KCNAB1: variants seen among roughly 807,000 people sequenced by gnomAD.
KCNAB1 encodes potassium voltage-gated channel subfamily A regulatory beta subunit 1.
A neutral mutation model predicts 64.6 loss-of-function variants in KCNAB1; 35 were observed. The observed-to-expected ratio is 0.54, with a 90% CI of 0.41 to 0.72. The LOEUF is 0.72. Ranked by LOEUF, KCNAB1 falls within the 30% of genes least tolerant of loss-of-function variation. The pLI, the probability that KCNAB1 is intolerant of heterozygous loss-of-function variation, is 0.00. For synonymous variants in KCNAB1, 177 were observed against 183.8 expected, an observed-to-expected ratio of 0.96 and a Z score of 0.30; for missense variants, 401 against 512.9, an observed-to-expected ratio of 0.78 and a Z score of 2.11.
chr3:156,327,833 T>G (rs1048477249), intron 1 of KCNAB1, among the ~76,000 whole-genome samples: 1 of 152,158 alleles, frequency 6.6e-6, no homozygotes, highest in Non-Finnish European at 1.5e-5. Context: ...GGTGGCTTTC[T>G]TCATTCCTGC....
At chr3:156,330,502 C>A (rs937982890) in intron 1 of KCNAB1, among the ~76,000 whole-genome samples, 1 of 152,254 alleles carries the variant, frequency 6.6e-6, no homozygotes, top group Non-Finnish European at 1.5e-5. Flanking sequence ...TCTGTTGCCC[C>A]CAGTGCTAGG....
At chr3:156,449,826 A>G (rs927113677) in intron 2 of KCNAB1, among the ~76,000 whole-genome samples, 3 of 152,214 alleles carry the variant, frequency 2.0e-5, no homozygotes, top group Admixed American at 6.5e-5. Context: ...CAAATGAAAC[A>G]TTTGTGCAAT....
chr3:156,377,881 A>C (rs1172919585), intron 1 of KCNAB1, among the ~76,000 whole-genome samples: 1 of 152,168 alleles, frequency 6.6e-6, no homozygotes, highest in Non-Finnish European at 1.5e-5. Context: ...CCCTATTTTT[A>C]TGGGTTGCCT....
In KCNAB1 at chr3:156,488,939, C is replaced by T. The variant is rs954588128; in HGVS notation, c.658+14119C>T. 3.3e-5 allele frequency among the ~76,000 whole-genome samples: 5 copies of T among 152,232 alleles called. No individual in the cohort carries two copies. In the East Asian group the frequency reaches 7.7e-4, roughly 24 times the overall value. ...ACTGAAAGAAAAGAGTGAAGAATGA[C>T]TCCAAGGTTTTAGGCCTGAGTCACC... is the stretch of plus-strand genomic sequence containing the variant. On this transcript the variant is annotated intron_variant, in intron 8 of 13. Transcript: ENST00000490337.
intron 1 of KCNAB1, among the ~76,000 whole-genome samples, chr3:156,172,470 G>C (rs1712065747): frequency 6.6e-6 from 1 of 152,122 alleles, no homozygotes; most frequent in Non-Finnish European, 1.5e-5. Flanking sequence ...TTTGGAGACA[G>C]GGTTTCGCCA....
At chr3:156,257,533 A>T (rs1576651674) in intron 1 of KCNAB1, among the ~76,000 whole-genome samples, 1 of 152,246 alleles carries the variant, frequency 6.6e-6, no homozygotes, top group East Asian at 1.9e-4. Flanking sequence ...GACAGCTTCT[A>T]CCCTACAATA....
chr3:156,126,784 G>C (rs889160741), intron 1 of KCNAB1, among the ~76,000 whole-genome samples: 1 of 151,962 alleles, frequency 6.6e-6, no homozygotes, highest in African/African-American at 2.4e-5. Flanking sequence ...TATAAAAAGT[G>C]GGTAATGATG....
In KCNAB1 at chr3:156,158,177, AAAAAAT is replaced by A. The variant is rs1715852009; in HGVS notation, c.275+37295_275+37300del. 5.0e-3 allele frequency among the ~76,000 whole-genome samples: 141 copies of A among 28,404 alleles called. 6 individuals are homozygous for A. In the East Asian group the frequency reaches 0.084, roughly 17 times the overall value. 18.6% of individuals were successfully genotyped at this position (28,404 alleles called of 152,430 possible). Reference sequence around the variant, plus strand: ...GAAACTCTGTCTCAAAAAAAAAAATAAAAAATAAATAAATAAATAAATAAATAAATA... The same window carrying A: ...GAAACTCTGTCTCAAAAAAAAAAATAAAATAAATAAATAAATAAATAAATA... On this transcript the variant is annotated intron_variant, in intron 1 of 13. Coordinates refer to ENST00000490337, the MANE Select transcript of KCNAB1 (RefSeq NM_172160.3).
chr3:156,512,935 G>A (rs565836384), intron 8 of KCNAB1, among the ~76,000 whole-genome samples: 6 of 152,338 alleles, frequency 3.9e-5, no homozygotes, highest in South Asian at 2.1e-4. Flanking sequence ...ACAGAAGGAC[G>A]GGAGCAGTGG....
intron 11 of KCNAB1, among the ~76,000 whole-genome samples, chr3:156,522,892 T>G (rs1042456115): frequency 6.6e-6 from 1 of 152,186 alleles, no homozygotes; most frequent in Non-Finnish European, 1.5e-5. Context: ...AGTGTGATGA[T>G]TTTTAATTGT....
chr3:156,537,504 A>G lies in KCNAB1; in HGVS notation c.*757A>G, dbSNP rs1576991372. 6.5e-6 allele frequency: 1 copy of G among 153,682 alleles called. No homozygotes were observed. The highest frequency in any genetic ancestry group is 2.4e-5 in the African/African-American group (1 of 41,500). The allele number at this position is 153,682 out of a possible 1,614,324, so 9.5% of individuals were successfully genotyped here. ...ATGTCCACTTACAAGTAGAGACAGT[A>G]AAAGGATGAATACCCAATCTTTAGT... is the stretch of plus-strand genomic sequence containing the variant. On this transcript the variant is annotated 3_prime_UTR_variant, in exon 14 of 14. Coordinates refer to ENST00000490337, the MANE Select transcript of KCNAB1 (RefSeq NM_172160.3).
chr3:156,158,207 TAAATA>T (rs1174763086), intron 1 of KCNAB1, among the ~76,000 whole-genome samples: 1,989 of 145,880 alleles, frequency 0.014, 57 homozygotes, highest in Non-Finnish European at 0.017. Context: ...AATAAATAAA[TAAATA>T]AATAAATAAA....
intron 1 of KCNAB1, among the ~76,000 whole-genome samples, chr3:156,267,736 C>G (rs528447611): frequency 6.6e-6 from 1 of 152,010 alleles, no homozygotes; most frequent in African/African-American, 2.4e-5. Flanking sequence ...CAGATGTTTT[C>G]TTTGCTTTTT....
chr3:156,471,067 T>G (rs1009477870), intron 7 of KCNAB1, among the ~76,000 whole-genome samples: 1 of 152,230 alleles, frequency 6.6e-6, no homozygotes, highest in African/African-American at 2.4e-5. Flanking sequence ...CAACTTTTTT[T>G]GCAAGCTAGA....
chr3:156,404,772 A>G (rs1265424986), intron 1 of KCNAB1, among the ~76,000 whole-genome samples: 6 of 152,194 alleles, frequency 3.9e-5, no homozygotes, highest in Non-Finnish European at 8.8e-5. Flanking sequence ...TCCCACTACT[A>G]TACTTCCCTT....
At chr3:156,420,148 C>A (rs1347132593) in intron 1 of KCNAB1, among the ~76,000 whole-genome samples, 1 of 152,212 alleles carries the variant, frequency 6.6e-6, no homozygotes, top group Non-Finnish European at 1.5e-5. Flanking sequence ...TCAGAAAGCA[C>A]CAGAAATCGC....
intron 1 of KCNAB1, among the ~76,000 whole-genome samples, chr3:156,296,386 T>A (rs1346239964): frequency 1.3e-5 from 2 of 152,148 alleles, no homozygotes; most frequent in African/African-American, 4.8e-5. Context: ...ATTGTTATTT[T>A]AGTTTTAGAA....
At position 156,537,287 on chromosome 3, in the gene KCNAB1, A is replaced by G. The variant is rs1008219755; in HGVS notation, c.*540A>G. The G allele has an allele frequency of 5.2e-6, 2 of 381,376 alleles. No individual in the cohort carries two copies. Among genetic ancestry groups the G allele is most frequent in the African/African-American group, 4.1e-5 (2 of 48,218 alleles). 23.6% of individuals were successfully genotyped at this position (381,376 alleles called of 1,614,324 possible). On this transcript the variant is annotated 3_prime_UTR_variant, in exon 14 of 14. Transcript: ENST00000490337. Reference sequence around the variant, plus strand: ...TCACTCAAAAGTCTTGCTTGGAAGAATAAGCAGAAATAATTTTATATATTT... The same window carrying G: ...TCACTCAAAAGTCTTGCTTGGAAGAGTAAGCAGAAATAATTTTATATATTT...
chr3:156,498,192 T>G lies in KCNAB1; in HGVS notation c.659-16172T>G, dbSNP rs992094535. The stretch of plus-strand genomic sequence containing the variant: ...AACCAGCAGTTTAAAAACGGATAAA[T>G]CATTTTAAGAATGGACAAGACAATG... On this transcript the variant is annotated intron_variant, in intron 8 of 13. Transcript: ENST00000490337. Among the ~76,000 whole-genome samples, 5 of 152,102 alleles carry G rather than the reference T, an allele frequency of 3.3e-5. No homozygotes were observed. In the East Asian group the frequency reaches 9.6e-4, roughly 29 times the overall value.
Sources: allele counts gnomAD v4.1 joint callset (sites outside exome capture counted in the v4.1 genomes callset), GRCh38; gene constraint gnomAD v4.1.1; transcripts MANE v1.5; gene names NCBI Gene and HGNC (gene_info 2026-07-23, HGNC 2026-07-21).